The following EEFSEC variants were observed in gnomAD, a reference collection of about 807,000 sequenced individuals.
EEFSEC encodes the protein eukaryotic elongation factor, selenocysteine-tRNA specific, also known as selenocysteine-specific elongation factor.
EEFSEC carries 43 observed loss-of-function variants against 42.1 expected under a neutral mutation model. The observed-to-expected ratio is 1.02, with a 90% CI of 0.80 to 1.32. The LOEUF (loss-of-function observed/expected upper bound fraction) is 1.32, where lower values mean the gene tolerates loss of function less well. EEFSEC is among the 40% of genes most tolerant of loss of function. EEFSEC has a pLI of 0.00. For synonymous variants in EEFSEC, 354 were observed against 339.1 expected, an observed-to-expected ratio of 1.04 and a Z score of -0.48; for missense variants, 745 against 803.6, an observed-to-expected ratio of 0.93 and a Z score of 0.88.
chr3:128,243,499 A>G (rs755947535), intron 1 of EEFSEC, among the ~76,000 whole-genome samples: 16 of 152,242 alleles, frequency 1.1e-4, no homozygotes, highest in Non-Finnish European at 1.9e-4. Context: ...AATAAAGTAG[A>G]AGAGGCAGGG....
intron 1 of EEFSEC, among the ~76,000 whole-genome samples, chr3:128,207,566 T>TACACACACACAC (rs10574435): frequency 5.6e-5 from 8 of 142,582 alleles, no homozygotes; most frequent in African/African-American, 1.8e-4. Flanking sequence ...ACACATTGCA[T>TACACACACACAC]ACACACACAC....
At chr3:128,351,860 A>G (rs954059701) in intron 5 of EEFSEC, among the ~76,000 whole-genome samples, 1 of 152,240 alleles carries the variant, frequency 6.6e-6, no homozygotes, top group African/African-American at 2.4e-5. Flanking sequence ...GCAAACAGTG[A>G]GAATCCCCAC....
chr3:128,207,566 TACACACACACACAC>T (rs10574435), intron 1 of EEFSEC, among the ~76,000 whole-genome samples: 196 of 142,580 alleles, frequency 1.4e-3, no homozygotes, highest in African/African-American at 4.5e-3. Context: ...ACACATTGCA[TACACACACACACAC>T]ACACACACAC....
intron 4 of EEFSEC, among the ~76,000 whole-genome samples, chr3:128,300,545 A>G (rs1212268554): frequency 2.0e-4 from 27 of 137,388 alleles, no homozygotes; most frequent in African/African-American, 7.6e-4. Context: ...CTGTCTGAAA[A>G]AAAAAAAAAA....
chr3:128,402,746 T>G (rs1168505274), intron 6 of EEFSEC, among the ~76,000 whole-genome samples: 1 of 152,220 alleles, frequency 6.6e-6, no homozygotes, highest in African/African-American at 2.4e-5. Flanking sequence ...CCCTCCCAGG[T>G]TGTCACCAGC....
intron 1 of EEFSEC, among the ~76,000 whole-genome samples, chr3:128,185,728 G>A (rs907014429): frequency 6.6e-6 from 1 of 152,156 alleles, no homozygotes; most frequent in South Asian, 2.1e-4. Context: ...CGCCTGGCCA[G>A]TGTAATATTT....
chr3:128,395,446 G>A (rs114349332), intron 6 of EEFSEC, among the ~76,000 whole-genome samples: 2,261 of 152,306 alleles, frequency 0.015, 51 homozygotes, highest in African/African-American at 0.051. Context: ...CTGAATGCCC[G>A]GGTGTGACTG....
chr3:128,329,407 G>C (rs1310043041), intron 4 of EEFSEC, among the ~76,000 whole-genome samples: 2 of 141,288 alleles, frequency 1.4e-5, no homozygotes, highest in Admixed American at 1.4e-4. Context: ...GTGCCACCCA[G>C]CCCCACCCCC....
chr3:128,186,367 G>A (rs2065464873), intron 1 of EEFSEC, among the ~76,000 whole-genome samples: 1 of 152,168 alleles, frequency 6.6e-6, no homozygotes, highest in East Asian at 1.9e-4. Flanking sequence ...CTCCCATTCT[G>A]TGGGTTGTCT....
chr3:128,299,002 C>T, intron 4 of EEFSEC, among the ~76,000 whole-genome samples: 1 of 152,174 alleles, frequency 6.6e-6, no homozygotes, highest in South Asian at 2.1e-4. Context: ...CATATCTTGG[C>T]TGTTGTGAAT....
the EEFSEC span, among the ~76,000 whole-genome samples, chr3:128,423,319 A>G: frequency 6.6e-6 from 1 of 152,210 alleles, no homozygotes; most frequent in Non-Finnish European, 1.5e-5. Flanking sequence ...AATAAAAATT[A>G]AAAAGGAATG....
At chr3:128,283,935 C>T (rs1196324363) in intron 4 of EEFSEC, among the ~76,000 whole-genome samples, 2 of 152,224 alleles carry the variant, frequency 1.3e-5, no homozygotes, top group Non-Finnish European at 2.9e-5. Flanking sequence ...ATGATACATA[C>T]TTCTCCTTAA....
At chr3:128,299,158 G>A (rs1399285063) in intron 4 of EEFSEC, among the ~76,000 whole-genome samples, 1 of 152,112 alleles carries the variant, frequency 6.6e-6, no homozygotes, top group Admixed American at 6.5e-5. Context: ...GTTTTCCATA[G>A]GAGCCGTATC....
Position 128,341,960 on chromosome 3 carries a change from A to G in EEFSEC, c.1443+71A>G, listed in dbSNP as rs569590635. On this transcript the variant is annotated intron_variant, in intron 5 of 6. Transcript: ENST00000254730. ...GGGCAGCTGGGATCCATGGCCTGAC[A>G]TCTGTGATGAGAGCCAGAAAGGCCC... 9.5e-5 allele frequency: 146 copies of G among 1,537,886 alleles called. 1 individual carries two copies. The East Asian group carries it at 2.6e-3, about 28-fold the overall frequency.
At chr3:128,159,975 T>G (rs1173619559) in intron 1 of EEFSEC, among the ~76,000 whole-genome samples, 3 of 152,270 alleles carry the variant, frequency 2.0e-5, no homozygotes, top group Admixed American at 2.0e-4. Context: ...GAACCTTGTT[T>G]GTCTCATTCA....
chr3:128,382,599 G>A (rs556308692), intron 6 of EEFSEC, among the ~76,000 whole-genome samples: 14 of 152,236 alleles, frequency 9.2e-5, no homozygotes, highest in Admixed American at 2.6e-4. Context: ...AATATTTTTC[G>A]ATTTTATGGG....
chr3:128,364,432 G>GTA (rs1399155296), intron 6 of EEFSEC, among the ~76,000 whole-genome samples: 1 of 152,216 alleles, frequency 6.6e-6, no homozygotes, highest in African/African-American at 2.4e-5. Flanking sequence ...GCAGAAGGCT[G>GTA]CATAGAGAGC....
chr3:128,254,188 A>G (rs546771925), intron 2 of EEFSEC, among the ~76,000 whole-genome samples: 5 of 152,308 alleles, frequency 3.3e-5, no homozygotes, highest in Non-Finnish European at 5.9e-5. Flanking sequence ...CAGAGTAGCA[A>G]GGGGATTCTG....
the EEFSEC span, among the ~76,000 whole-genome samples, chr3:128,424,962 G>A: frequency 6.6e-6 from 1 of 152,050 alleles, no homozygotes; most frequent in African/African-American, 2.4e-5. Context: ...GGGGTGGTCA[G>A]GGCCTCTCAC....
Sources: gnomAD v4.1 joint callset for allele counts (sites outside exome capture counted in the v4.1 genomes callset) on GRCh38, gnomAD v4.1.1 for gene constraint, MANE v1.5 for transcripts, NCBI Gene and HGNC (gene_info 2026-07-23, HGNC 2026-07-21) for gene names.